Variants in CSMD1 observed in about 807,000 individuals in gnomAD.
CSMD1 encodes CUB and Sushi multiple domains 1.
In CSMD1, 213 loss-of-function variants were observed where a neutral mutation model predicts 417.5. The ratio of observed to expected loss-of-function variants is 0.51; its 90% CI spans 0.46 to 0.57. CSMD1 has a LOEUF of 0.57. Among genes scored for constraint, CSMD1 ranks in the 20% least tolerant of loss-of-function variants. CSMD1 has a pLI of 0.00. For synonymous variants in CSMD1, 2,862 were observed against 1,736.8 expected (o/e 1.65, Z -16.11); for missense variants, 6,923 against 4,529.7 (o/e 1.53, Z -15.17).
intron 1 of CSMD1, chr8:4,787,860 G>C (rs1040434353): frequency 2.5e-6 from 4 of 1,575,028 alleles, no homozygotes; most frequent in African/African-American, 2.7e-5. Flanking sequence ...GGTTGCCCCA[G>C]AATTGTACAC....
intron 1 of CSMD1, among the ~76,000 whole-genome samples, chr8:4,860,851 A>T (rs1802088369): frequency 6.6e-6 from 1 of 152,090 alleles, no homozygotes; most frequent in African/African-American, 2.4e-5. Context: ...ATTTCTGCGT[A>T]AAAACGTTCA....
intron 2 of CSMD1, among the ~76,000 whole-genome samples, chr8:4,447,213 T>C (rs574346167): frequency 9.8e-5 from 15 of 152,340 alleles, no homozygotes; most frequent in African/African-American, 3.1e-4. Context: ...AAAACAAATA[T>C]ACATGACAAA....
chr8:3,338,738 A>G (rs1372859432), intron 23 of CSMD1, among the ~76,000 whole-genome samples: 1 of 152,008 alleles, frequency 6.6e-6, no homozygotes, highest in Non-Finnish European at 1.5e-5. Flanking sequence ...TTTTTAAAAT[A>G]ATTGGTACAA....
chr8:4,124,727 G>C (rs1416490517), intron 3 of CSMD1, among the ~76,000 whole-genome samples: 2 of 152,220 alleles, frequency 1.3e-5, no homozygotes, highest in African/African-American at 2.4e-5. Flanking sequence ...CCCTAAGCCA[G>C]AATGAGTCAC....
chr8:4,312,570 G>C (rs1284113506), intron 3 of CSMD1, among the ~76,000 whole-genome samples: 2 of 151,214 alleles, frequency 1.3e-5, no homozygotes, highest in African/African-American at 4.9e-5. Flanking sequence ...TTCTATTTAT[G>C]AGCAACAGAT....
In CSMD1 at chr8:3,135,706, G is replaced by T. The variant is rs183413092; in HGVS notation, c.6241+6759C>A. 2.0e-5 allele frequency among the ~76,000 whole-genome samples: 3 copies of T among 152,266 alleles called. No individual in the cohort carries two copies. In the East Asian group the frequency reaches 5.8e-4, roughly 29 times the overall value. ...AACATGCTCTTGAGTGAAGTCTGCT[G>T]ATCACATTTCTGACTCTGTGACCCA... On this transcript the variant is annotated intron_variant, in intron 41 of 69. Transcript: ENST00000635120.
chr8:4,478,390 A>T (rs1252252000), intron 2 of CSMD1, among the ~76,000 whole-genome samples: 1 of 152,170 alleles, frequency 6.6e-6, no homozygotes, highest in Non-Finnish European at 1.5e-5. Context: ...CACAAGTCCA[A>T]AGTATTGAAA....
In CSMD1 at chr8:3,308,487, T is replaced by C. The variant is rs545063660; in HGVS notation, c.3648A>G (p.Lys1216=). The C allele has an allele frequency of 1.2e-6, 2 of 1,612,046 alleles. No individual in the cohort carries two copies. The highest frequency in any genetic ancestry group is 1.7e-5 in the Admixed American group (1 of 59,880). Residue 1216 remains lysine (K), a synonymous_variant, in exon 24 of 70, where the codon AAA becomes AAG. Transcript: ENST00000635120. ...QLTYTSFDLV[K]CEDPGIPNYG... The stretch of plus-strand genomic sequence containing the variant: ...AGTTAGGGATGCCCGGATCCTCACA[T>C]TTTACCAGATCAAAACCTGCAAGAG...
intron 10 of CSMD1, among the ~76,000 whole-genome samples, chr8:3,563,441 G>GAAA (rs1443401946): frequency 1.6e-5 from 1 of 62,196 alleles, no homozygotes; most frequent in Non-Finnish European, 3.1e-5. Context: ...GTATTAAAAG[G>GAAA]TAAAAAAAAA....
At chr8:4,785,427 T>A (rs921822711) in intron 1 of CSMD1, among the ~76,000 whole-genome samples, 9 of 152,170 alleles carry the variant, frequency 5.9e-5, no homozygotes, top group Non-Finnish European at 1.3e-4. Flanking sequence ...GCCCCCACAG[T>A]GGGTTAGATC....
intron 7 of CSMD1, among the ~76,000 whole-genome samples, chr8:3,676,342 G>A (rs1799373726): frequency 6.6e-6 from 1 of 152,126 alleles, no homozygotes; most frequent in Non-Finnish European, 1.5e-5. Context: ...GTGGAGGTGG[G>A]TGGCCGCCCG....
At chr8:4,321,017 C>G (rs13264536) in intron 3 of CSMD1, among the ~76,000 whole-genome samples, 19,752 of 152,138 alleles carry the variant, frequency 0.13, 1,567 homozygotes, top group Middle Eastern at 0.19. Context: ...TTATTTATTT[C>G]CCATACACAT....
At chr8:4,440,263 A>G (rs1798390318) in intron 2 of CSMD1, among the ~76,000 whole-genome samples, 1 of 152,196 alleles carries the variant, frequency 6.6e-6, no homozygotes, top group African/African-American at 2.4e-5. Flanking sequence ...GTATATATTT[A>G]TAAGATGCTC....
chr8:3,328,913 AGCAAGTATTTTATTATAACGT>A (rs1806711994), intron 23 of CSMD1, among the ~76,000 whole-genome samples: 1 of 152,268 alleles, frequency 6.6e-6, no homozygotes, highest in African/African-American at 2.4e-5. Context: ...AAAATAAGAC[AGCAAGTATTTTATTATAACGT>A]GCTTGGGCTC....
intron 2 of CSMD1, among the ~76,000 whole-genome samples, chr8:4,498,283 A>G (rs1189374639): frequency 1.3e-5 from 2 of 152,098 alleles, no homozygotes; most frequent in Admixed American, 6.6e-5. Context: ...TTCCAAGGTT[A>G]TTTGTGAGTG....
intron 1 of CSMD1, among the ~76,000 whole-genome samples, chr8:4,918,479 C>A (rs915245813): frequency 6.6e-6 from 1 of 151,886 alleles, no homozygotes; most frequent in Non-Finnish European, 1.5e-5. Flanking sequence ...ACTTTCTGCA[C>A]AATGTGTATG....
rs1801564601 is a variant in CSMD1, at chr8:2,937,454, A to AAAAAAAAAC, written c.*1130_*1131insGTTTTTTTT. On this transcript the variant is annotated 3_prime_UTR_variant, in exon 70 of 70. Coordinates refer to ENST00000635120, the MANE Select transcript of CSMD1 (RefSeq NM_033225.6). ...GTAAAAGACAAAAAAAAAAAAAAAC[A>AAAAAAAAAC]AAAAAAAAACACTGCAAAAGGGAAG... The AAAAAAAAAC allele has an allele frequency of 1.4e-3, 96 of 69,688 alleles. No homozygotes were observed. The highest frequency in any genetic ancestry group is 1.8e-3 in the African/African-American group (32 of 17,856). 4.3% of individuals were successfully genotyped at this position (69,688 alleles called of 1,614,324 possible).
At chr8:3,654,038 C>G (rs1797985834) in intron 7 of CSMD1, among the ~76,000 whole-genome samples, 1 of 152,106 alleles carries the variant, frequency 6.6e-6, no homozygotes, top group African/African-American at 2.4e-5. Context: ...GAGGGGCCAA[C>G]TGTATAACAT....
intron 1 of CSMD1, among the ~76,000 whole-genome samples, chr8:4,763,541 C>T (rs536378388): frequency 1.1e-4 from 16 of 152,186 alleles, no homozygotes; most frequent in African/African-American, 3.4e-4. Context: ...ATGGTTGGGG[C>T]ACCATAGAAA....
Sources: allele counts gnomAD v4.1 joint callset (sites outside exome capture counted in the v4.1 genomes callset), GRCh38; gene constraint gnomAD v4.1.1; transcripts MANE v1.5; gene names NCBI Gene and HGNC (gene_info 2026-07-23, HGNC 2026-07-21).